Variants in RGS3 observed in about 807,000 individuals in gnomAD.
RGS3 encodes regulator of G protein signaling 3, also known as regulator of G-protein signalling 3.
A neutral mutation model predicts 132.6 loss-of-function variants in RGS3; 80 were observed. The observed-to-expected ratio is 0.60, with a 90% confidence interval of 0.50 to 0.73. The LOEUF (loss-of-function observed/expected upper bound fraction) is 0.73. Ranked by LOEUF, RGS3 falls within the 30% of genes least tolerant of loss-of-function variation. The pLI is 0.00. For missense variants in RGS3, 1,382 were observed against 1,530.8 expected (o/e 0.90, Z 1.62); for synonymous variants, 598 against 620.6 (o/e 0.96, Z 0.54).
chr9:113,498,262 G>C (rs1036320190), intron 10 of RGS3, among the ~76,000 whole-genome samples, 182 bp downstream of exon 8: 1 of 152,212 alleles, frequency 6.6e-6, no homozygotes, highest in African/African-American at 2.4e-5. Context: ...GCTCTTCTCA[G>C]GGTATCCATG....
chr9:113,596,451 A>G (rs572670960), intron 24 of RGS3, among the ~76,000 whole-genome samples: 1 of 152,354 alleles, frequency 6.6e-6, no homozygotes, highest in East Asian at 1.9e-4. Context: ...GCTGGTAGAT[A>G]AGACAACTGA....
chr9:113,594,103 C>T, intron 21 of RGS3: 3 of 1,613,160 alleles, frequency 1.9e-6, no homozygotes. Context: ...GTCTGAGTCC[C>T]AGCCCCGGCT....
At chr9:113,483,720 C>A (rs1830237509) in intron 5 of RGS3, among the ~76,000 whole-genome samples, 1 of 152,184 alleles carries the variant, frequency 6.6e-6, no homozygotes, top group Non-Finnish European at 1.5e-5. Context: ...GCTAGAACAG[C>A]CCTGGGTTGA....
chr9:113,583,931 T>TAGC (rs1434415792), exon 20 of RGS3: 1 of 1,613,974 alleles, frequency 6.2e-7, no homozygotes. Flanking sequence ...GGGGACCTAC[T>TAGC]AGCAGCTACT....
chr9:113,504,846 G>A (rs1831059830), intron 10 of RGS3, among the ~76,000 whole-genome samples: 1 of 152,246 alleles, frequency 6.6e-6, no homozygotes, highest in Non-Finnish European at 1.5e-5. Context: ...GACCTTACCT[G>A]GGAGTCCTCA....
chr9:113,541,413 ACT>A, intron 19 of RGS3: 1 of 1,613,248 alleles, frequency 6.2e-7, no homozygotes. Flanking sequence ...ACCAGGACAG[ACT>A]CTGATTGGCT....
chr9:113,508,443 C>T, intron 13 of RGS3, 98 bp from the exon 12 acceptor site: 1 of 1,259,756 alleles, frequency 7.9e-7, no homozygotes, highest in Non-Finnish European at 1.2e-6. Flanking sequence ...CTGAGGTGCT[C>T]CACTTCCTCT....
At chr9:113,567,537 C>T (rs1834067934) in intron 19 of RGS3, among the ~76,000 whole-genome samples, 2 of 152,158 alleles carry the variant, frequency 1.3e-5, no homozygotes, top group African/African-American at 2.4e-5. Context: ...GAGGGCCTGT[C>T]GGGGAGCCCC....
upstream of RGS3, among the ~76,000 whole-genome samples, chr9:113,456,187 G>T (rs1471556526): frequency 1.3e-5 from 2 of 152,130 alleles, no homozygotes; most frequent in Non-Finnish European, 2.9e-5. Flanking sequence ...GTTCTGTCCT[G>T]AGCTTTCTCA....
rs1370378744 is a variant in RGS3, at chr9:113,565,177, AC to A, written c.2038-18270del. 4 of 1,229,440 alleles carry A rather than the reference AC, an allele frequency of 3.3e-6. No individual in the cohort carries two copies. The highest frequency in any genetic ancestry group is 4.2e-6 in the Non-Finnish European group (4 of 959,694). The allele number at this position is 1,229,440 out of a possible 1,614,324, so 76.2% of individuals were successfully genotyped here. ...CACAGCCTATGCGTGTGAGCATGTA[AC>A]CCGGGAGCCAGCTGGGCCCCTCGCG... On this transcript the variant is annotated intron_variant, in intron 19 of 24. Transcript: ENST00000350696. This position sits in a 1 kb window ranked among gnomAD's most constrained non-coding sequence, Gnocchi z 5.7.
At chr9:113,523,177 T>A in intron 17 of RGS3, 136 bp downstream of exon 15, 1 of 644,034 alleles carries the variant, frequency 1.6e-6, no homozygotes, top group Non-Finnish European at 2.8e-6. Flanking sequence ...GTCCATGGGC[T>A]AGTAGGTCTC....
chr9:113,549,602 T>A lies in RGS3; in HGVS notation c.2037+12684T>A, dbSNP rs1041902594. Reference sequence around the variant, plus strand: ...ATCCCAGCACCCAGAGATAAACCACTGTTAACATTTTGGAATGTGTCCTGT... The same window carrying A: ...ATCCCAGCACCCAGAGATAAACCACAGTTAACATTTTGGAATGTGTCCTGT... On this transcript the variant is annotated intron_variant, in intron 19 of 24. Transcript: ENST00000350696. Among the ~76,000 whole-genome samples the A allele has an allele frequency of 2.6e-5, 4 of 152,348 alleles. No individual in the cohort carries two copies. In the East Asian group the frequency reaches 7.7e-4, roughly 29 times the overall value.
chr9:113,569,510 C>T (rs1041806004), intron 19 of RGS3, among the ~76,000 whole-genome samples: 1 of 152,100 alleles, frequency 6.6e-6, no homozygotes, highest in Non-Finnish European at 1.5e-5. Flanking sequence ...CTGCAGTTCC[C>T]AGTTGATTCA....
At chr9:113,556,561 G>A (rs780667542) in intron 19 of RGS3, among the ~76,000 whole-genome samples, 11 of 152,134 alleles carry the variant, frequency 7.2e-5, no homozygotes, top group Non-Finnish European at 1.6e-4. Flanking sequence ...ATTAGGAGGT[G>A]CAGGCCAGGT....
intron 14 of RGS3, among the ~76,000 whole-genome samples, chr9:113,511,310 TGG>T (rs1831388858): frequency 6.6e-6 from 1 of 151,728 alleles, no homozygotes; most frequent in South Asian, 2.1e-4. Flanking sequence ...AAGGGTGATA[TGG>T]GGGTTTGGAC....
At chr9:113,484,954 G>T (rs1359213810) in intron 6 of RGS3, among the ~76,000 whole-genome samples, 3 of 152,128 alleles carry the variant, frequency 2.0e-5, no homozygotes, top group African/African-American at 7.2e-5. Flanking sequence ...TCACAGATAC[G>T]CCCTACTGTA....
chr9:113,530,890 G>T (rs971134482), intron 18 of RGS3, among the ~76,000 whole-genome samples: 9 of 152,188 alleles, frequency 5.9e-5, no homozygotes, highest in South Asian at 2.1e-4. Context: ...TTCTTGCTCT[G>T]TAGCCTGGAC....
At chr9:113,508,329 A>G (rs996479070) in intron 13 of RGS3, among the ~76,000 whole-genome samples, 4 of 152,188 alleles carry the variant, frequency 2.6e-5, no homozygotes, top group East Asian at 1.9e-4. Flanking sequence ...GTTAGGCTTC[A>G]TGACCCATAA....
chr9:113,563,322 A>G (rs1233365693), intron 19 of RGS3, among the ~76,000 whole-genome samples: 1 of 152,110 alleles, frequency 6.6e-6, no homozygotes, highest in Non-Finnish European at 1.5e-5. Flanking sequence ...TTCTCTGCCA[A>G]TCCCCAGGGC....
Sources: allele counts gnomAD v4.1 joint callset (sites outside exome capture counted in the v4.1 genomes callset), GRCh38; gene constraint gnomAD v4.1.1; non-coding constraint Gnocchi (gnomAD v3.1); transcripts MANE v1.5; gene names NCBI Gene and HGNC (gene_info 2026-07-23, HGNC 2026-07-21).